Variants in NLGN4X observed in about 807,000 individuals in gnomAD.
The protein encoded by NLGN4X is neuroligin 4 X-linked, also known as neuroligin-4, X-linked.
Under a neutral mutation model 40.3 loss-of-function variants are expected in NLGN4X, and 3 were observed. That is an observed-to-expected ratio of 0.07 (90% CI 0.03 to 0.19). NLGN4X has a LOEUF of 0.19. Among genes scored for constraint, NLGN4X ranks in the 10% least tolerant of loss-of-function variants. The probability of loss-of-function intolerance (pLI) is 1.00; values close to 1 mark genes in which losing one functional copy is unlikely to be tolerated. For missense variants in NLGN4X, 382 were observed against 708.3 expected, an observed-to-expected ratio of 0.54 and a Z score of 5.23; for synonymous variants, 270 against 306.8, an observed-to-expected ratio of 0.88 and a Z score of 1.25.
chrX:5,972,361 A>G (rs929378264), intron 3 of NLGN4X, among the ~76,000 whole-genome samples: 11 of 111,307 alleles, frequency 9.9e-5, no homozygotes, highest in African/African-American at 1.6e-4. Flanking sequence ...ACTAAGGAAA[A>G]CTATGCCCCA....
chrX:6,068,271 C>A (rs1479192742), intron 2 of NLGN4X, among the ~76,000 whole-genome samples: 1 of 111,882 alleles, frequency 8.9e-6, no homozygotes, highest in Non-Finnish European at 1.9e-5. Flanking sequence ...CCCTGGTCAG[C>A]AGTTGGGTTT....
chrX:5,899,706 AT>A (rs1194376539), intron 5 of NLGN4X, among the ~76,000 whole-genome samples: 5 of 64,160 alleles, frequency 7.8e-5, no homozygotes, highest in Non-Finnish European at 1.5e-4. Flanking sequence ...TTTTTTTTTT[AT>A]TTTTTTTTAA....
intron 2 of NLGN4X, among the ~76,000 whole-genome samples, chrX:6,087,708 T>TA (rs1241488273): frequency 8.9e-6 from 1 of 111,908 alleles, no homozygotes; most frequent in African/African-American, 3.2e-5. Context: ...TTCCTCCAAC[T>TA]AGCAAACTGT....
intron 1 of NLGN4X, among the ~76,000 whole-genome samples, chrX:6,214,003 G>GT (rs745335062): frequency 7.1e-5 from 8 of 111,936 alleles, no homozygotes; most frequent in Non-Finnish European, 1.3e-4. Context: ...ATGGGGAGTT[G>GT]TAAAAACCAA....
chrX:6,029,706 G>T (rs1209331814), intron 2 of NLGN4X, among the ~76,000 whole-genome samples: 1 of 111,450 alleles, frequency 9.0e-6, no homozygotes, highest in East Asian at 2.8e-4. Context: ...AGCACTAAAA[G>T]AAATGGTTTT....
At chrX:5,981,939 T>A (rs2035401360) in intron 3 of NLGN4X, among the ~76,000 whole-genome samples, 1 of 111,788 alleles carries the variant, frequency 8.9e-6, no homozygotes, top group Non-Finnish European at 1.9e-5. Flanking sequence ...TTGATGACCT[T>A]ACATAACCTC....
At chrX:6,139,063 A>G (rs114205562) in intron 2 of NLGN4X, among the ~76,000 whole-genome samples, 1,352 of 111,868 alleles carry the variant, frequency 0.012, 20 homozygotes, top group African/African-American at 0.042. Context: ...CTATTTTTAA[A>G]TGTAAACATT....
intron 1 of NLGN4X, among the ~76,000 whole-genome samples, chrX:6,220,107 G>T (rs147949993): frequency 0.029 from 3,220 of 109,864 alleles, 48 homozygotes; most frequent in Middle Eastern, 0.075. Context: ...AGATATTTCA[G>T]CATTTTTAAG....
At chrX:6,110,065 C>A (rs1306728979) in intron 2 of NLGN4X, among the ~76,000 whole-genome samples, 6 of 111,709 alleles carry the variant, frequency 5.4e-5, no homozygotes, top group Non-Finnish European at 9.4e-5. Flanking sequence ...GCAAGGCTGC[C>A]ATGTATAATC....
At chrX:6,152,463 T>C (rs777117860) in intron 1 of NLGN4X, among the ~76,000 whole-genome samples, 2 of 112,224 alleles carry the variant, frequency 1.8e-5, no homozygotes, top group South Asian at 3.7e-4. Flanking sequence ...TTTAAGGAAA[T>C]TGTCACATTT....
At chrX:5,965,317 G>A (rs1213880169) in intron 3 of NLGN4X, among the ~76,000 whole-genome samples, 2 of 111,890 alleles carry the variant, frequency 1.8e-5, no homozygotes, top group Non-Finnish European at 1.9e-5. Flanking sequence ...CAAGAAGTCG[G>A]GTGCAGGTAA....
intron 3 of NLGN4X, among the ~76,000 whole-genome samples, chrX:6,010,513 T>TTTTTTATTA (rs375723769): frequency 1.0e-5 from 1 of 95,389 alleles, no homozygotes; most frequent in African/African-American, 3.8e-5. Flanking sequence ...TTCTTTTTAT[T>TTTTTTATTA]TTATTATTAT....
chrX:6,145,801 T>C (rs1027074361), intron 2 of NLGN4X, among the ~76,000 whole-genome samples: 1 of 110,727 alleles, frequency 9.0e-6, no homozygotes, highest in Non-Finnish European at 1.9e-5. Context: ...CCCTAGAAAG[T>C]ATAGGGTCAG....
At chrX:5,944,650 CAAAAA>C (rs750871231) in intron 3 of NLGN4X, among the ~76,000 whole-genome samples, 1 of 25,576 alleles carries the variant, frequency 3.9e-5, no homozygotes, top group Non-Finnish European at 7.6e-5. Context: ...GACTCTGTCT[CAAAAA>C]AAAAAAAAAA....
At chrX:6,066,376 C>T (rs2037917408) in intron 2 of NLGN4X, among the ~76,000 whole-genome samples, 1 of 112,466 alleles carries the variant, frequency 8.9e-6, no homozygotes, top group African/African-American at 3.2e-5. Flanking sequence ...TTGTTATTGC[C>T]TCTGCCTTCT....
chrX:6,153,595 C>T (rs1212908342), intron 1 of NLGN4X, among the ~76,000 whole-genome samples: 1 of 112,131 alleles, frequency 8.9e-6, no homozygotes, highest in Non-Finnish European at 1.9e-5. Flanking sequence ...TATTTAAAAG[C>T]TACTTGGGAC....
intron 5 of NLGN4X, among the ~76,000 whole-genome samples, chrX:5,897,523 C>CA (rs2031567245): frequency 8.9e-6 from 1 of 112,148 alleles, no homozygotes; most frequent in Non-Finnish European, 1.9e-5. Context: ...TGTTTGGGCT[C>CA]ACACGGTTCT....
At chrX:6,044,149 G>GGT (rs887204907) in intron 2 of NLGN4X, among the ~76,000 whole-genome samples, 5 of 62,015 alleles carry the variant, frequency 8.1e-5, no homozygotes, top group Non-Finnish European at 9.8e-5. Context: ...AAATCACACA[G>GGT]GTGTGTGCCT....
chrX:6,074,827 T>C (rs144260971), intron 2 of NLGN4X, among the ~76,000 whole-genome samples: 1,757 of 111,586 alleles, frequency 0.016, 21 homozygotes, highest in Non-Finnish European at 0.025. Flanking sequence ...ATCAAAATTA[T>C]ACAGATGAGT....
Sources: allele counts gnomAD v4.1 joint callset (sites outside exome capture counted in the v4.1 genomes callset), GRCh38; gene constraint gnomAD v4.1.1; transcripts MANE v1.5; gene names NCBI Gene and HGNC (gene_info 2026-07-23, HGNC 2026-07-21).